SPNS3: variants seen among roughly 807,000 people sequenced by gnomAD.
SPNS3 encodes protein spinster homolog 3.
SPNS3 carries 51 observed loss-of-function variants against 54.4 expected under a neutral mutation model. The ratio of observed to expected loss-of-function variants is 0.94; its 90% CI spans 0.75 to 1.18. The LOEUF is 1.18. Ranked by LOEUF, SPNS3 falls within the 50% of genes most tolerant of loss-of-function variation. The pLI is 0.00. For missense variants in SPNS3, 669 were observed against 677.4 expected (o/e 0.99, Z 0.14); for synonymous variants, 309 against 294.7 (o/e 1.05, Z -0.50).
chr17:4,480,829 C>T (rs1316819167), intron 9 of SPNS3, among the ~76,000 whole-genome samples: 1 of 19,058 alleles, frequency 5.2e-5, no homozygotes, highest in Non-Finnish European at 9.3e-5. Flanking sequence ...ATGCTTTGCA[C>T]CACCATCCCA....
chr17:4,449,190 GC>G, intron 6 of SPNS3, 44 bp from the exon 7 acceptor site: 1 of 1,597,758 alleles, frequency 6.3e-7, no homozygotes. Context: ...GGCCCCTTCA[GC>G]CCCAGCCCTC....
chr17:4,473,272 C>G (rs1971905710), intron 8 of SPNS3, among the ~76,000 whole-genome samples: 2 of 152,096 alleles, frequency 1.3e-5, no homozygotes, highest in South Asian at 4.1e-4. Context: ...GCCCAAACTT[C>G]ATCATAGCTC....
At chr17:4,455,632 AG>A (rs1425986027) in intron 8 of SPNS3, among the ~76,000 whole-genome samples, 1 of 151,706 alleles carries the variant, frequency 6.6e-6, no homozygotes, top group African/African-American at 2.4e-5. Flanking sequence ...TGTCCATCTG[AG>A]CCCTGTAGGA....
At chr17:4,456,967 G>C (rs1433658185) in intron 8 of SPNS3, among the ~76,000 whole-genome samples, 2 of 152,002 alleles carry the variant, frequency 1.3e-5, no homozygotes, top group Non-Finnish European at 2.9e-5. Flanking sequence ...TGCCTACCTC[G>C]GCCTCCCAAG....
chr17:4,444,599 C>T (rs1019410485), intron 2 of SPNS3, among the ~76,000 whole-genome samples: 2 of 152,134 alleles, frequency 1.3e-5, no homozygotes, highest in East Asian at 1.9e-4. Context: ...CCCTGCTCCC[C>T]GTTGCCCCAG....
chr17:4,434,507 T>A (rs9904360), intron 1 of SPNS3, among the ~76,000 whole-genome samples: 43,723 of 151,840 alleles, frequency 0.29, 7,069 homozygotes, highest in African/African-American at 0.43. Flanking sequence ...TTATTTATTT[T>A]TTTTTTTGAG....
intron 8 of SPNS3, among the ~76,000 whole-genome samples, chr17:4,468,302 TAAAAAA>T (rs974278439): frequency 1.3e-5 from 2 of 151,348 alleles, no homozygotes; most frequent in Non-Finnish European, 2.9e-5. Context: ...AAAAATAAAT[TAAAAAA>T]AAGAAAGAGG....
chr17:4,475,097 G>A (rs943320532), intron 8 of SPNS3, among the ~76,000 whole-genome samples: 12 of 152,186 alleles, frequency 7.9e-5, no homozygotes, highest in African/African-American at 1.7e-4. Flanking sequence ...CTCTGTGGCC[G>A]GGGATGACTA....
chr17:4,455,917 T>TGGGGGGGGGG (rs10531598), intron 8 of SPNS3, among the ~76,000 whole-genome samples: 1 of 150,856 alleles, frequency 6.6e-6, no homozygotes, highest in African/African-American at 2.4e-5. Context: ...CTGCCCTCTG[T>TGGGGGGGGGG]GGGGGGGGGG....
chr17:4,434,641 C>T (rs889261066), intron 1 of SPNS3, among the ~76,000 whole-genome samples: 1 of 151,546 alleles, frequency 6.6e-6, no homozygotes, highest in East Asian at 1.9e-4. Context: ...GGATTACAGG[C>T]GTGCACCACC....
chr17:4,476,344 C>T (rs2144193198), intron 8 of SPNS3, among the ~76,000 whole-genome samples: 1 of 152,268 alleles, frequency 6.6e-6, no homozygotes, highest in East Asian at 1.9e-4. Flanking sequence ...CTGATGGGCT[C>T]TATTTTGGGG....
At chr17:4,446,987 C>T in intron 5 of SPNS3, 25 bp downstream of exon 5, 2 of 1,613,252 alleles carry the variant, frequency 1.2e-6, no homozygotes, top group South Asian at 2.2e-5. Context: ...CTTTTCTTCC[C>T]TCTGCTTTCC....
Position 4,488,094 on chromosome 17 carries a change from C to T in SPNS3, c.*200C>T. ...AGCACTCTGCGTGGGAGGCCTGGGCCTGTGCCTGCATCCCGCTCAAGGCTG... is the reference window on the plus strand; with the variant it reads ...AGCACTCTGCGTGGGAGGCCTGGGCTTGTGCCTGCATCCCGCTCAAGGCTG... On this transcript the variant is annotated 3_prime_UTR_variant, in exon 12 of 12. Transcript: ENST00000355530. 1 of 595,134 alleles carries T rather than the reference C, an allele frequency of 1.7e-6. No individual in the cohort carries two copies. Among genetic ancestry groups the T allele is most frequent in the South Asian group, 2.0e-5 (1 of 49,280 alleles). 36.9% of individuals were successfully genotyped at this position (595,134 alleles called of 1,614,324 possible). A position where few individuals can be genotyped will look rare whatever the true frequency, so the allele number is the denominator to read the frequency against.
intron 7 of SPNS3, 131 bp downstream of exon 7, chr17:4,449,518 C>A (rs1446445772): frequency 2.6e-6 from 3 of 1,137,220 alleles, no homozygotes; most frequent in African/African-American, 1.6e-5. Flanking sequence ...GACAGTGGAG[C>A]TCAGGACCCA....
chr17:4,462,142 C>CACCA (rs1971525613), intron 8 of SPNS3, among the ~76,000 whole-genome samples: 3 of 14,056 alleles, frequency 2.1e-4, no homozygotes, highest in African/African-American at 6.2e-4. Context: ...TCCATCCATC[C>CACCA]ATCCATCCAT....
At chr17:4,452,920 T>G in intron 7 of SPNS3, 96 bp from the exon 8 acceptor site, 12 of 1,253,430 alleles carry the variant, frequency 9.6e-6, no homozygotes, top group Middle Eastern at 1.9e-4. Flanking sequence ...ATCATGCACT[T>G]GAGCCGAGGG....
At position 4,446,981 on chromosome 17, in the gene SPNS3, TCTTCCCTCTGC is replaced by T. The variant is rs777285885; in HGVS notation, c.621+20_621+30del. 47 of 1,613,756 alleles carry T rather than the reference TCTTCCCTCTGC, an allele frequency of 2.9e-5. No homozygotes were observed. The highest frequency in any genetic ancestry group is 4.0e-5 in the Non-Finnish European group (47 of 1,179,800). On this transcript the variant is annotated intron_variant, in intron 5 of 11. Transcript: ENST00000355530. The stretch of plus-strand genomic sequence containing the variant: ...CCTCCGAGTGAGTCCAGCTTCCTTT[TCTTCCCTCTGC>T]TTTCCCTCTGGACCGGCAGGGACTT...
intron 9 of SPNS3, among the ~76,000 whole-genome samples, chr17:4,480,575 C>T (rs968092766): frequency 6.6e-6 from 1 of 151,910 alleles, no homozygotes; most frequent in Non-Finnish European, 1.5e-5. Context: ...AGGCTGCACC[C>T]GTGTCCCCCA....
At position 4,486,508 on chromosome 17, in the gene SPNS3, C is replaced by G; in HGVS notation, c.1375C>G (p.Leu459Val). Residue 459 changes from leucine to valine, a missense_variant, in exon 11 of 12, where the codon CTG becomes GTG. Transcript: ENST00000355530. The surrounding 1 kb of genome is among the most constrained non-coding windows in gnomAD (Gnocchi z 5.5). The part of the protein sequence containing the change: ...SFLCCAFVIA[L>V]GGGCFLLTAL... ...CCTGTGCTGCGCCTTTGTCATCGCC[C>G]TGGGGGGCGGCTGCTTCCTGCTGAC... The G allele has an allele frequency of 6.2e-7, 1 of 1,613,660 alleles. No individual in the cohort carries two copies. The highest frequency in any genetic ancestry group is 8.5e-7 in the Non-Finnish European group (1 of 1,179,964).
Sources: gnomAD v4.1 joint callset for allele counts (sites outside exome capture counted in the v4.1 genomes callset) on GRCh38, gnomAD v4.1.1 for gene constraint, Gnocchi (gnomAD v3.1) non-coding constraint, MANE v1.5 for transcripts, NCBI Gene and HGNC (gene_info 2026-07-23, HGNC 2026-07-21) for gene names.